The following FILIP1L variants were observed in gnomAD, a reference collection of about 807,000 sequenced individuals.
The protein encoded by FILIP1L is filamin A-interacting protein 1-like.
In FILIP1L, 55 loss-of-function variants were observed where a neutral mutation model predicts 96.6. The ratio of observed to expected loss-of-function variants is 0.57; its 90% CI spans 0.46 to 0.71. The LOEUF is 0.71. Ranked by LOEUF, FILIP1L falls within the 30% of genes least tolerant of loss-of-function variation. The pLI is 0.00. For missense variants in FILIP1L, 1,304 were observed against 1,321.2 expected (o/e 0.99, Z 0.20); for synonymous variants, 467 against 473.9 (o/e 0.99, Z 0.19).
intron 1 of FILIP1L, among the ~76,000 whole-genome samples, chr3:100,027,328 T>C (rs958001839): frequency 6.6e-6 from 1 of 152,172 alleles, no homozygotes; most frequent in Non-Finnish European, 1.5e-5. Flanking sequence ...TCACACATGG[T>C]AGGTGTTCAA....
intron 3 of FILIP1L, 42 bp downstream of exon 3, chr3:99,929,814 C>T (rs779664067): frequency 6.0e-6 from 9 of 1,488,662 alleles, no homozygotes; most frequent in Non-Finnish European, 8.2e-6. Flanking sequence ...AGGGCTAGTG[C>T]TTGGCTGCCT....
chr3:99,983,599 A>G (rs1350795189), intron 1 of FILIP1L, among the ~76,000 whole-genome samples: 1 of 146,450 alleles, frequency 6.8e-6, no homozygotes, highest in Non-Finnish European at 1.5e-5. Flanking sequence ...TTGAGGCAAG[A>G]TAATTGCTTG....
At chr3:99,843,911 G>A (rs574852350) in intron 5 of FILIP1L, among the ~76,000 whole-genome samples, 14 of 152,300 alleles carry the variant, frequency 9.2e-5, no homozygotes, top group African/African-American at 2.6e-4. Context: ...CATGCGAGGG[G>A]TCTAGGCTGA....
chr3:100,083,212 C>G (rs1331605618), intron 1 of FILIP1L, among the ~76,000 whole-genome samples: 1 of 152,170 alleles, frequency 6.6e-6, no homozygotes, highest in East Asian at 1.9e-4. Flanking sequence ...CCAGAATATT[C>G]AACATAAGAA....
intron 1 of FILIP1L, among the ~76,000 whole-genome samples, chr3:100,061,407 G>C (rs2065563542): frequency 6.6e-6 from 1 of 152,200 alleles, no homozygotes; most frequent in African/African-American, 2.4e-5. Flanking sequence ...ATGTTTGGCT[G>C]ATGTAGGCAA....
intron 4 of FILIP1L, among the ~76,000 whole-genome samples, chr3:99,909,862 A>T (rs1054376602): frequency 1.3e-5 from 2 of 152,148 alleles, no homozygotes; most frequent in Non-Finnish European, 2.9e-5. Flanking sequence ...ACAGTCTGCA[A>T]CCCCTTTCCT....
intron 4 of FILIP1L, among the ~76,000 whole-genome samples, chr3:99,909,739 C>G (rs775060026): frequency 7.2e-5 from 11 of 152,158 alleles, no homozygotes; most frequent in Non-Finnish European, 1.2e-4. Flanking sequence ...AAGTTGCTAT[C>G]AGTTATAGTT....
intron 4 of FILIP1L, among the ~76,000 whole-genome samples, chr3:99,889,729 T>C (rs1706024698): frequency 6.6e-6 from 1 of 152,002 alleles, no homozygotes; most frequent in Non-Finnish European, 1.5e-5. Context: ...CTATTAGGGA[T>C]TAATGACCCT....
chr3:100,024,921 G>A (rs2064891184), intron 1 of FILIP1L, among the ~76,000 whole-genome samples: 1 of 152,144 alleles, frequency 6.6e-6, no homozygotes, highest in Non-Finnish European at 1.5e-5. Context: ...CTGATATCCT[G>A]GGCTTTTAAT....
At chr3:99,979,884 A>AAGAG (rs1248623245) in intron 1 of FILIP1L, among the ~76,000 whole-genome samples, 1 of 150,754 alleles carries the variant, frequency 6.6e-6, no homozygotes, top group Non-Finnish European at 1.5e-5. Context: ...ATTGTCTTAA[A>AAGAG]AGAGAGAGAG....
chr3:99,950,097 C>G (rs1329840238), intron 1 of FILIP1L, among the ~76,000 whole-genome samples: 2 of 152,154 alleles, frequency 1.3e-5, no homozygotes, highest in African/African-American at 4.8e-5. Flanking sequence ...TCACTTGGAA[C>G]CATTAGGTTA....
At chr3:99,918,177 C>T (rs1245925509) in intron 4 of FILIP1L, among the ~76,000 whole-genome samples, 2 of 152,006 alleles carry the variant, frequency 1.3e-5, no homozygotes, top group Non-Finnish European at 2.9e-5. Context: ...AGGGTTTCAC[C>T]ATTTTGGCCA....
At chr3:99,951,212 C>G (rs1296490704) in intron 1 of FILIP1L, among the ~76,000 whole-genome samples, 1 of 152,232 alleles carries the variant, frequency 6.6e-6, no homozygotes, top group Non-Finnish European at 1.5e-5. Context: ...GCTGATACTT[C>G]CTGGAGAAGT....
At chr3:99,998,482 A>AT (rs1709746147) in intron 1 of FILIP1L, among the ~76,000 whole-genome samples, 1 of 152,174 alleles carries the variant, frequency 6.6e-6, no homozygotes, top group Non-Finnish European at 1.5e-5. Context: ...ACCAAGCACA[A>AT]TTTGGTAAAG....
chr3:99,846,443 A>G (rs781381655), intron 5 of FILIP1L, among the ~76,000 whole-genome samples: 18 of 152,328 alleles, frequency 1.2e-4, no homozygotes, highest in South Asian at 4.1e-4. Context: ...TCTGTTTTGA[A>G]AGAGCTAAAA....
At chr3:99,836,411 G>C (rs899317759) in intron 5 of FILIP1L, among the ~76,000 whole-genome samples, 2 of 152,204 alleles carry the variant, frequency 1.3e-5, no homozygotes, top group East Asian at 3.8e-4. Flanking sequence ...TAAGTTTGAA[G>C]TGTATAGTTG....
chr3:99,971,208 C>T (rs1158642286), intron 1 of FILIP1L, among the ~76,000 whole-genome samples: 1 of 151,956 alleles, frequency 6.6e-6, no homozygotes, highest in Non-Finnish European at 1.5e-5. Flanking sequence ...GGCCTGGTGG[C>T]AGATGCCTGT....
At chr3:99,912,617 G>C (rs762394784) in intron 4 of FILIP1L, among the ~76,000 whole-genome samples, 1 of 152,076 alleles carries the variant, frequency 6.6e-6, no homozygotes, top group South Asian at 2.1e-4. Context: ...GGCTCAAGCA[G>C]TCCACCTGCC....
rs1002164212 is a variant in FILIP1L at position 99,829,774 on chromosome 3, G to C, written c.*640C>G. On this transcript the variant is annotated 3_prime_UTR_variant, in exon 6 of 6. Coordinates refer to ENST00000477258, the MANE Select transcript of FILIP1L (RefSeq NM_001387850.1). ...CCCTAAAATATCTCAATGTTACTGA[G>C]ACTAAGTGCCAGTGGTCAGGTATGC... Among the ~76,000 whole-genome samples, 1 of 152,166 alleles carries C rather than the reference G, an allele frequency of 6.6e-6. No homozygotes were observed. Among genetic ancestry groups the C allele is most frequent in the Non-Finnish European group, 1.5e-5 (1 of 68,030 alleles).
Sources: allele counts gnomAD v4.1 joint callset (sites outside exome capture counted in the v4.1 genomes callset), GRCh38; gene constraint gnomAD v4.1.1; transcripts MANE v1.5; gene names NCBI Gene and HGNC (gene_info 2026-07-23, HGNC 2026-07-21).